RAP1A: variants seen among roughly 807,000 people sequenced by gnomAD.
RAP1A encodes RAP1A, member of RAS oncogene family.
Under a neutral mutation model 26.4 loss-of-function variants are expected in RAP1A, and 6 were observed. The ratio of observed to expected loss-of-function variants is 0.23; its 90% CI spans 0.12 to 0.45. The LOEUF (loss-of-function observed/expected upper bound fraction) is 0.45, where lower values mean the gene tolerates loss of function less well. RAP1A is among the 20% of genes least tolerant of loss of function. RAP1A has a pLI of 0.99. For missense variants in RAP1A, 121 were observed against 217.2 expected (o/e 0.56, Z 2.78); for synonymous variants, 73 against 79.4 (o/e 0.92, Z 0.43).
intron 1 of RAP1A, among the ~76,000 whole-genome samples, chr1:111,587,922 T>C (rs1658408465): frequency 1.3e-5 from 2 of 152,234 alleles, no homozygotes; most frequent in African/African-American, 4.8e-5. Flanking sequence ...CTCTGTTTTA[T>C]TCTTTGGTCA....
At chr1:111,670,053 GATAA>G (rs1036306805) in intron 1 of RAP1A, among the ~76,000 whole-genome samples, 3 of 152,050 alleles carry the variant, frequency 2.0e-5, no homozygotes, top group African/African-American at 7.2e-5. Context: ...AAAGTTTTCA[GATAA>G]ATAAAACTGG....
upstream of RAP1A, among the ~76,000 whole-genome samples, chr1:111,617,011 CGT>C (rs376238823): frequency 1.3e-5 from 2 of 152,212 alleles, no homozygotes; most frequent in African/African-American, 2.4e-5. Flanking sequence ...AAGGTCCATA[CGT>C]GTGTGTGTGG....
At chr1:111,683,582 A>G (rs1247092650) in intron 1 of RAP1A, among the ~76,000 whole-genome samples, 2 of 152,218 alleles carry the variant, frequency 1.3e-5, no homozygotes, top group Non-Finnish European at 2.9e-5. Flanking sequence ...AAATTCCTGG[A>G]TACATATACC....
At chr1:111,642,119 C>G (rs367745765) in intron 1 of RAP1A, among the ~76,000 whole-genome samples, 3 of 152,070 alleles carry the variant, frequency 2.0e-5, no homozygotes, top group African/African-American at 7.2e-5. Context: ...GTGGTGCATG[C>G]CTGTAATCCC....
chr1:111,595,260 A>G (rs1271700431), intron 1 of RAP1A, among the ~76,000 whole-genome samples: 1 of 152,200 alleles, frequency 6.6e-6, no homozygotes, highest in Non-Finnish European at 1.5e-5. Flanking sequence ...CAATATCTGG[A>G]CCAGCAACCT....
At chr1:111,609,758 C>G (rs543360476) in intron 1 of RAP1A, among the ~76,000 whole-genome samples, 1 of 152,306 alleles carries the variant, frequency 6.6e-6, no homozygotes, top group East Asian at 1.9e-4. Context: ...GCCTCAGCCT[C>G]CTGAGTAGCT....
intron 1 of RAP1A, among the ~76,000 whole-genome samples, chr1:111,567,323 C>T (rs1182570319): frequency 6.6e-6 from 1 of 152,136 alleles, no homozygotes; most frequent in Non-Finnish European, 1.5e-5. Flanking sequence ...TACTTAAACA[C>T]TAGGTAGAAA....
At chr1:111,585,090 T>C (rs1362319946) in intron 1 of RAP1A, among the ~76,000 whole-genome samples, 1 of 152,210 alleles carries the variant, frequency 6.6e-6, no homozygotes, top group Non-Finnish European at 1.5e-5. Flanking sequence ...CTCTAGCTAT[T>C]CCATCGTGGC....
intron 1 of RAP1A, among the ~76,000 whole-genome samples, chr1:111,650,093 C>CTTT (rs57681662): frequency 3.0e-4 from 23 of 75,872 alleles, no homozygotes; most frequent in Non-Finnish European, 3.4e-4. Context: ...TGGTAGAGTG[C>CTTT]TTTTTTTTTT....
At chr1:111,617,803 G>A (rs968412940), upstream of RAP1A, among the ~76,000 whole-genome samples, 7 of 151,466 alleles carry the variant, frequency 4.6e-5, no homozygotes, top group African/African-American at 1.7e-4. Context: ...CAACACTTTG[G>A]GAGGCCGAGG....
chr1:111,705,163 CA>C (rs1194480050), intron 6 of RAP1A, among the ~76,000 whole-genome samples: 4 of 152,176 alleles, frequency 2.6e-5, no homozygotes, highest in African/African-American at 9.7e-5. Flanking sequence ...GAGCAATTTC[CA>C]ACTGTCCCCA....
intron 2 of RAP1A, among the ~76,000 whole-genome samples, chr1:111,692,663 A>G (rs1039026735): frequency 1.3e-5 from 2 of 152,210 alleles, no homozygotes; most frequent in African/African-American, 4.8e-5. Context: ...AGTAGAATAC[A>G]GCCATTAGAA....
rs572705300 is a variant in RAP1A, at chr1:111,696,133, G to A, written c.126+724G>A. ...GAAAAAAAATTAGGTACTTGGTCTT[G>A]ACAAAAAATATTCTGTAGAAGACCA... On this transcript the variant is annotated intron_variant, in intron 3 of 7. Coordinates refer to ENST00000369709, the MANE Select transcript of RAP1A (RefSeq NM_002884.4). Among the ~76,000 whole-genome samples, 3 of 152,198 alleles carry A rather than the reference G, an allele frequency of 2.0e-5. No homozygotes were observed. In the South Asian group the frequency reaches 6.2e-4, roughly 32 times the overall value.
intron 1 of RAP1A, among the ~76,000 whole-genome samples, chr1:111,622,000 A>C (rs1659224345): frequency 6.6e-6 from 1 of 152,250 alleles, no homozygotes; most frequent in African/African-American, 2.4e-5. Flanking sequence ...TTCCAAAAGA[A>C]AGAAAATGTT....
intron 1 of RAP1A, among the ~76,000 whole-genome samples, chr1:111,589,251 C>T (rs1370549251): frequency 6.6e-6 from 1 of 152,166 alleles, no homozygotes; most frequent in East Asian, 1.9e-4. Context: ...TTAGGCAATT[C>T]AGGTTTTCTT....
chr1:111,655,818 C>T (rs529685091), intron 1 of RAP1A, among the ~76,000 whole-genome samples: 12 of 151,880 alleles, frequency 7.9e-5, no homozygotes, highest in African/African-American at 2.9e-4. Flanking sequence ...GGACCACAGG[C>T]GCCCACCACC....
chr1:111,681,438 A>G (rs1330424058), intron 1 of RAP1A, among the ~76,000 whole-genome samples: 1 of 152,234 alleles, frequency 6.6e-6, no homozygotes, highest in East Asian at 1.9e-4. Context: ...AATGCAAGGA[A>G]GCTAAGAACC....
At chr1:111,548,182 G>T (rs1657109548) in intron 1 of RAP1A, among the ~76,000 whole-genome samples, 1 of 152,194 alleles carries the variant, frequency 6.6e-6, no homozygotes, top group Non-Finnish European at 1.5e-5. Flanking sequence ...CACCACACCT[G>T]GCTAATTTTT....
intron 1 of RAP1A, among the ~76,000 whole-genome samples, chr1:111,576,026 T>C (rs1441862699): frequency 6.6e-6 from 1 of 152,186 alleles, no homozygotes; most frequent in Non-Finnish European, 1.5e-5. Flanking sequence ...CAGAGAAAAC[T>C]GAACCTGCCC....
Sources: allele counts gnomAD v4.1 joint callset (sites outside exome capture counted in the v4.1 genomes callset), GRCh38; gene constraint gnomAD v4.1.1; transcripts MANE v1.5; gene names NCBI Gene and HGNC (gene_info 2026-07-23, HGNC 2026-07-21).